Variants in DOCK2 observed in about 807,000 individuals in gnomAD.
DOCK2 encodes dedicator of cytokinesis protein 2.
Under a neutral mutation model 248.9 loss-of-function variants are expected in DOCK2, and 87 were observed. The ratio of observed to expected loss-of-function variants is 0.35; its 90% CI spans 0.29 to 0.42. The LOEUF is 0.42. DOCK2 is among the 10% of genes least tolerant of loss of function. DOCK2 has a pLI of 1.00. For missense variants in DOCK2, 1,747 were observed against 2,300.2 expected, an observed-to-expected ratio of 0.76 and a Z score of 4.92; for synonymous variants, 805 against 821.6, an observed-to-expected ratio of 0.98 and a Z score of 0.35.
chr5:169,637,433 G>A, intron 1 of DOCK2, 64 bp downstream of exon 1: 5 of 1,296,394 alleles, frequency 3.9e-6, no homozygotes, highest in Admixed American at 8.3e-5. Context: ...GCGAGCAGGA[G>A]GATGCTGCGG....
chr5:169,661,012 A>G (rs1258680256), intron 2 of DOCK2, among the ~76,000 whole-genome samples: 1 of 152,204 alleles, frequency 6.6e-6, no homozygotes, highest in Non-Finnish European at 1.5e-5. Context: ...GGTCCTGAAA[A>G]TAAAATAGAA....
chr5:170,068,316 G>A (rs1047586400), intron 45 of DOCK2, among the ~76,000 whole-genome samples: 8 of 152,322 alleles, frequency 5.3e-5, no homozygotes, highest in East Asian at 1.9e-4. Flanking sequence ...GTAAGGATAC[G>A]TAGCTGTTCT....
chr5:170,005,925 C>A (rs1179263431), intron 30 of DOCK2, among the ~76,000 whole-genome samples: 4 of 152,068 alleles, frequency 2.6e-5, no homozygotes, highest in Admixed American at 2.6e-4. Context: ...TTGTTGGATA[C>A]CTATTTCCCA....
intron 27 of DOCK2, among the ~76,000 whole-genome samples, chr5:169,907,526 G>A (rs982259052): frequency 3.9e-5 from 6 of 152,192 alleles, no homozygotes; most frequent in Admixed American, 6.5e-5. Flanking sequence ...ACCACTTAGC[G>A]AAGACTAGTT....
intron 14 of DOCK2, 120 bp downstream of exon 14, chr5:169,702,547 T>C: frequency 6.8e-7 from 1 of 1,463,710 alleles, no homozygotes; most frequent in Non-Finnish European, 9.2e-7. Context: ...TGGGATGGTG[T>C]TGAATAATGT....
intron 43 of DOCK2, 38 bp downstream of exon 43, chr5:170,056,806 C>G: frequency 6.3e-7 from 1 of 1,579,754 alleles, no homozygotes; most frequent in Middle Eastern, 1.7e-4. Flanking sequence ...TCCCTGGAGC[C>G]ACCTGGAGGA....
At chr5:169,826,812 A>T (rs1038849589) in intron 26 of DOCK2, among the ~76,000 whole-genome samples, 2 of 152,272 alleles carry the variant, frequency 1.3e-5, no homozygotes, top group East Asian at 3.9e-4. Context: ...CACCTCCCTC[A>T]GGACACCGTC....
chr5:169,952,769 C>T (rs1776711789), intron 27 of DOCK2, among the ~76,000 whole-genome samples: 2 of 152,214 alleles, frequency 1.3e-5, no homozygotes, highest in South Asian at 2.1e-4. Flanking sequence ...CGTTTGATGC[C>T]GTTTCAATCC....
At chr5:169,758,018 T>A (rs1764283359) in intron 23 of DOCK2, among the ~76,000 whole-genome samples, 1 of 152,224 alleles carries the variant, frequency 6.6e-6, no homozygotes. Flanking sequence ...TAATTCTTCT[T>A]TGAACAATCT....
In DOCK2 at chr5:170,019,092, G is replaced by A. The variant is rs774025318; in HGVS notation, c.3365G>A (p.Ser1122Asn). Residue 1122 changes from serine to asparagine, a missense_variant, in exon 33 of 52, where the codon AGT becomes AAT. By Grantham distance (46) the Ser-to-Asn change is conservative (BLOSUM62 1). Coordinates refer to ENST00000520908, the MANE Select transcript of DOCK2 (RefSeq NM_004946.3). ...ATGATGCTGTGTGAATATCAAAGAA[G>A]TGGGGATTTCAAAAAGGTAAAAAAT... is the stretch of plus-strand genomic sequence containing the variant. ...FDMMLCEYQRSGDFKKFENEI... is the reference protein window; with the variant it reads ...FDMMLCEYQRNGDFKKFENEI... The A allele has an allele frequency of 2.5e-6, 4 of 1,613,940 alleles. No homozygotes were observed. The highest frequency in any genetic ancestry group is 1.7e-5 in the Admixed American group (1 of 59,984).
intron 7 of DOCK2, among the ~76,000 whole-genome samples, chr5:169,682,665 A>G (rs1161627789): frequency 7.4e-6 from 1 of 134,262 alleles, no homozygotes. Context: ...TAGATTTATT[A>G]AGATATAATT....
intron 22 of DOCK2, among the ~76,000 whole-genome samples, chr5:169,730,417 G>A (rs529690677): frequency 6.6e-6 from 1 of 152,270 alleles, no homozygotes; most frequent in Non-Finnish European, 1.5e-5. Context: ...GTGAGCATAG[G>A]GGAGAACAGG....
intron 6 of DOCK2, among the ~76,000 whole-genome samples, 181 bp downstream of exon 6, chr5:169,674,626 A>G (rs1050008284): frequency 6.6e-6 from 1 of 152,226 alleles, no homozygotes; most frequent in Non-Finnish European, 1.5e-5. Context: ...ACCTAGGGAC[A>G]TGCAGGTGGA....
chr5:169,901,067 T>C (rs900103461), intron 27 of DOCK2, among the ~76,000 whole-genome samples: 1 of 152,040 alleles, frequency 6.6e-6, no homozygotes, highest in African/African-American at 2.4e-5. Context: ...GACCAAAAAA[T>C]AGAGGCCGGT....
intron 27 of DOCK2, among the ~76,000 whole-genome samples, chr5:169,871,637 G>A (rs1401860598): frequency 1.3e-5 from 2 of 152,204 alleles, no homozygotes; most frequent in Non-Finnish European, 2.9e-5. Flanking sequence ...ACACTAAGAT[G>A]CACTGGACTG....
At chr5:169,959,503 C>A (rs1238284536) in intron 27 of DOCK2, among the ~76,000 whole-genome samples, 2 of 152,118 alleles carry the variant, frequency 1.3e-5, no homozygotes, top group Non-Finnish European at 2.9e-5. Flanking sequence ...TAAGGAAGAA[C>A]TTTCTAACAA....
chr5:169,833,599 C>T (rs1030809945), intron 26 of DOCK2, among the ~76,000 whole-genome samples: 2 of 152,140 alleles, frequency 1.3e-5, no homozygotes, highest in African/African-American at 4.8e-5. Flanking sequence ...CAGTCTGACT[C>T]CATGGGGCTG....
At chr5:169,865,229 A>C (rs765554512) in intron 27 of DOCK2, among the ~76,000 whole-genome samples, 72 of 152,242 alleles carry the variant, frequency 4.7e-4, no homozygotes, top group Non-Finnish European at 7.5e-4. Context: ...TGGTGTCATT[A>C]ACATACGGAC....
intron 27 of DOCK2, among the ~76,000 whole-genome samples, chr5:169,892,637 G>A (rs543894574): frequency 3.3e-5 from 5 of 152,294 alleles, no homozygotes; most frequent in African/African-American, 1.2e-4. Flanking sequence ...AATTGCATTT[G>A]TCACAGACAC....
Sources: allele counts gnomAD v4.1 joint callset (sites outside exome capture counted in the v4.1 genomes callset), GRCh38; gene constraint gnomAD v4.1.1; transcripts MANE v1.5; gene names NCBI Gene and HGNC (gene_info 2026-07-23, HGNC 2026-07-21).